SLC44A5: variants seen among roughly 807,000 people sequenced by gnomAD.
The protein encoded by SLC44A5 is choline transporter-like protein 5.
SLC44A5 carries 57 observed loss-of-function variants against 101.8 expected under a neutral mutation model. That is an observed-to-expected ratio of 0.56 (90% CI 0.45 to 0.70). SLC44A5 has a LOEUF of 0.70. SLC44A5 is among the 30% of genes least tolerant of loss of function. The pLI, the probability that SLC44A5 is intolerant of heterozygous loss-of-function variation, is 0.00. For synonymous variants in SLC44A5, 281 were observed against 290.9 expected, an observed-to-expected ratio of 0.97 and a Z score of 0.35; for missense variants, 737 against 853.1, an observed-to-expected ratio of 0.86 and a Z score of 1.70.
intron 12 of SLC44A5, among the ~76,000 whole-genome samples, chr1:75,233,777 G>A (rs1458155751): frequency 6.6e-6 from 1 of 152,076 alleles, no homozygotes; most frequent in African/African-American, 2.4e-5. Context: ...AAAATGTTCT[G>A]ACAGCATTTT....
chr1:75,360,734 T>G (rs1307341701), intron 3 of SLC44A5, among the ~76,000 whole-genome samples: 1 of 152,112 alleles, frequency 6.6e-6, no homozygotes, highest in African/African-American at 2.4e-5. Flanking sequence ...TATTATGAAA[T>G]CAGGGGGTGC....
At chr1:75,351,460 G>T (rs990799103) in intron 3 of SLC44A5, among the ~76,000 whole-genome samples, 1 of 152,050 alleles carries the variant, frequency 6.6e-6, no homozygotes, top group Non-Finnish European at 1.5e-5. Flanking sequence ...AAATTATAAA[G>T]TCATTATGAC....
At chr1:75,305,679 C>T (rs181255106) in intron 4 of SLC44A5, among the ~76,000 whole-genome samples, 6 of 152,324 alleles carry the variant, frequency 3.9e-5, no homozygotes, top group African/African-American at 1.4e-4. Flanking sequence ...CCTGGGATAA[C>T]CATATGTCCC....
chr1:75,441,257 CAA>C (rs1471309546), intron 2 of SLC44A5, among the ~76,000 whole-genome samples: 1 of 152,004 alleles, frequency 6.6e-6, no homozygotes, highest in Non-Finnish European at 1.5e-5. Flanking sequence ...ATTCATTAGA[CAA>C]AACTATTCTG....
At chr1:75,556,698 T>TA (rs1169967488) in intron 1 of SLC44A5, among the ~76,000 whole-genome samples, 1 of 152,018 alleles carries the variant, frequency 6.6e-6, no homozygotes, top group East Asian at 1.9e-4. Context: ...CTTCAAAAAG[T>TA]AAAAAAGGGG....
At chr1:75,697,782 T>C in the SLC44A5 span, among the ~76,000 whole-genome samples, 1 of 152,078 alleles carries the variant, frequency 6.6e-6, no homozygotes, top group Admixed American at 6.5e-5. Context: ...TGGGCGCAGG[T>C]CAGTGGGTGC....
chr1:75,544,499 A>G (rs956142403), intron 1 of SLC44A5, among the ~76,000 whole-genome samples: 2 of 151,976 alleles, frequency 1.3e-5, no homozygotes, highest in African/African-American at 4.8e-5. Flanking sequence ...TTCTGTGTGC[A>G]TGTGCACACA....
intron 3 of SLC44A5, among the ~76,000 whole-genome samples, chr1:75,388,076 G>T (rs1386876355): frequency 9.5e-6 from 1 of 105,668 alleles, no homozygotes; most frequent in East Asian, 3.4e-4. Flanking sequence ...TGGGGGGAGG[G>T]GGGAGGGATA....
the SLC44A5 span, among the ~76,000 whole-genome samples, chr1:75,631,132 C>A: frequency 1.3e-5 from 2 of 152,276 alleles, no homozygotes; most frequent in Non-Finnish European, 2.9e-5. Flanking sequence ...CCAAATAAAT[C>A]TCTTTCTCTT....
intron 3 of SLC44A5, among the ~76,000 whole-genome samples, chr1:75,385,464 T>C (rs943829383): frequency 2.0e-5 from 3 of 152,042 alleles, no homozygotes; most frequent in South Asian, 4.2e-4. Context: ...CTAGAAGAAA[T>C]GGATAAATTC....
At chr1:75,417,771 G>GGGCAGAGA (rs1357026545) in intron 2 of SLC44A5, among the ~76,000 whole-genome samples, 2 of 152,196 alleles carry the variant, frequency 1.3e-5, no homozygotes, top group Non-Finnish European at 2.9e-5. Context: ...CTAACAAGAA[G>GGGCAGAGA]GGCAGAGAGC....
intron 5 of SLC44A5, among the ~76,000 whole-genome samples, chr1:75,297,707 C>A (rs948867749): frequency 4.6e-5 from 7 of 151,818 alleles, no homozygotes; most frequent in African/African-American, 1.2e-4. Flanking sequence ...CTAATTAGTA[C>A]AATAATTGAA....
At chr1:75,399,538 C>A (rs918936718) in intron 2 of SLC44A5, among the ~76,000 whole-genome samples, 1 of 151,898 alleles carries the variant, frequency 6.6e-6, no homozygotes, top group African/African-American at 2.4e-5. Context: ...TGGATTAGAC[C>A]CTGATTTGGA....
chr1:75,334,208 C>T (rs1657272531), intron 4 of SLC44A5, among the ~76,000 whole-genome samples: 1 of 152,130 alleles, frequency 6.6e-6, no homozygotes, highest in East Asian at 1.9e-4. Context: ...CTATGAGAAG[C>T]CAGAAGCTTG....
intron 3 of SLC44A5, among the ~76,000 whole-genome samples, chr1:75,375,957 T>G (rs142450116): frequency 0.013 from 2,032 of 152,156 alleles, 53 homozygotes; most frequent in African/African-American, 0.047. Flanking sequence ...TGCCAGGCAG[T>G]GGGCGCAGGT....
intron 19 of SLC44A5, 109 bp downstream of exon 19, chr1:75,215,645 G>T (rs995781068): frequency 1.1e-5 from 7 of 643,030 alleles, no homozygotes; most frequent in African/African-American, 3.7e-5. Flanking sequence ...TATCAGCATA[G>T]TGATAAATTC....
At chr1:75,545,825 T>A in intron 1 of SLC44A5, among the ~76,000 whole-genome samples, 1 of 366 alleles carries the variant, frequency 2.7e-3, no homozygotes, top group Admixed American at 0.025. Context: ...TTTTCTTTTC[T>A]TTTTTTTTTT....
At chr1:75,339,682 T>C (rs1419086289) in intron 3 of SLC44A5, 52 bp from the exon 4 acceptor site, 3 of 1,455,234 alleles carry the variant, frequency 2.1e-6, no homozygotes, top group African/African-American at 2.8e-5. Context: ...AATAAATTAA[T>C]ATAAAATATT....
rs1674653023 is a variant in SLC44A5 at position 75,596,655 on chromosome 1, A to G, written c.-70+14385T>C. 3.3e-5 allele frequency among the ~76,000 whole-genome samples: 5 copies of G among 152,196 alleles called. No homozygotes were observed. In the South Asian group the frequency reaches 8.3e-4, roughly 25 times the overall value. ...ATGCAAGATTGCTTCAACATATGCA[A>G]ATCAATAGTGATTCATCACATAAAC... On this transcript the variant is annotated intron_variant, in intron 1 of 23. Transcript: ENST00000370859.
Sources: allele counts gnomAD v4.1 joint callset (sites outside exome capture counted in the v4.1 genomes callset), GRCh38; gene constraint gnomAD v4.1.1; transcripts MANE v1.5; gene names NCBI Gene and HGNC (gene_info 2026-07-23, HGNC 2026-07-21).